PRR33: variants seen among roughly 807,000 people sequenced by gnomAD.
PRR33 encodes proline-rich protein 33.
In PRR33, 1 loss-of-function variant was observed where a neutral mutation model predicts 0.5. The ratio of observed to expected loss-of-function variants is 2.18; its 90% CI spans 0.77 to 10.34. The LOEUF (loss-of-function observed/expected upper bound fraction) is 10.34. PRR33 is among the 30% of genes most tolerant of loss of function. The pLI is 0.13. For synonymous variants in PRR33, 226 were observed against 110.0 expected, an observed-to-expected ratio of 2.06 and a Z score of -6.60; for missense variants, 552 against 251.8, an observed-to-expected ratio of 2.19 and a Z score of -8.07.
chr11:1,901,784 C>T, the PRR33 span, among the ~76,000 whole-genome samples: 174 of 152,220 alleles, frequency 1.1e-3, no homozygotes, highest in South Asian at 4.8e-3. Flanking sequence ...AGACTTGTTA[C>T]GTAAATTTAA....
At chr11:1,911,926 C>T in the PRR33 span, among the ~76,000 whole-genome samples, 2 of 146,734 alleles carry the variant, frequency 1.4e-5, no homozygotes, top group Non-Finnish European at 3.0e-5. Context: ...TTTGGGAGGC[C>T]GAGCTGGGAG....
At chr11:1,897,130 G>A in the PRR33 span, among the ~76,000 whole-genome samples, 1 of 152,210 alleles carries the variant, frequency 6.6e-6, no homozygotes, top group African/African-American at 2.4e-5. The surrounding 1 kb of genome is among the most constrained non-coding windows in gnomAD (Gnocchi z 4.0). Flanking sequence ...CGGCACCCTT[G>A]ATGAGCGGAA....
the PRR33 span, among the ~76,000 whole-genome samples, chr11:1,915,639 TGTG>T: frequency 3.5e-4 from 6 of 17,118 alleles, 1 homozygote; most frequent in East Asian, 2.8e-3. Context: ...GTGTGTGTGT[TGTG>T]GGGGGTGATG....
At chr11:1,889,052 C>G (rs1269202142) in exon 1 of PRR33, 1 of 576,660 alleles carries the variant, frequency 1.7e-6, no homozygotes, top group African/African-American at 1.9e-5. Flanking sequence ...CCTGGTGCAT[C>G]TTCATGCAGC....
upstream of PRR33, among the ~76,000 whole-genome samples, chr11:1,893,740 T>C (rs200268248): frequency 4.0e-5 from 6 of 148,346 alleles, no homozygotes; most frequent in East Asian, 1.2e-3. Flanking sequence ...GATGGGTAGA[T>C]GGATGGATGG....
chr11:1,888,901 T>C (rs914950776), exon 1 of PRR33: 28 of 441,752 alleles, frequency 6.3e-5, no homozygotes, highest in Middle Eastern at 1.1e-3. Context: ...CCCTTCTCTG[T>C]TCCCCTCACA....
chr11:1,900,169 A>C, the PRR33 span, among the ~76,000 whole-genome samples: 2 of 152,144 alleles, frequency 1.3e-5, no homozygotes, highest in African/African-American at 4.8e-5. Context: ...TTGGCTGTCC[A>C]TGTGTCCATG....
the PRR33 span, among the ~76,000 whole-genome samples, chr11:1,914,427 G>C: frequency 7.3e-5 from 11 of 150,188 alleles, no homozygotes; most frequent in Non-Finnish European, 1.5e-4. Flanking sequence ...ATGTTTCTCT[G>C]TGTGTGTGTC....
chr11:1,894,710 C>T (rs531762810), upstream of PRR33, among the ~76,000 whole-genome samples: 3 of 152,246 alleles, frequency 2.0e-5, no homozygotes, highest in African/African-American at 7.2e-5. Context: ...CTCATCTGTT[C>T]GTCTCTTGGT....
chr11:1,916,671 G>A, the PRR33 span, among the ~76,000 whole-genome samples: 9 of 152,094 alleles, frequency 5.9e-5, no homozygotes, highest in African/African-American at 1.9e-4. Flanking sequence ...TGCCCACCCC[G>A]CCCCCGACCA....
In PRR33 at chr11:1,889,093, C is replaced by T. The variant is rs955256652; in HGVS notation, c.*52G>A. 48 of 592,156 alleles carry T rather than the reference C, an allele frequency of 8.1e-5. No homozygotes were observed. In the African/African-American group the frequency reaches 8.6e-4, roughly 11 times the overall value. 36.7% of individuals were successfully genotyped at this position (592,156 alleles called of 1,614,324 possible). A position where few individuals can be genotyped will look rare whatever the true frequency, so the allele number is the denominator to read the frequency against. On this transcript the variant is annotated 3_prime_UTR_variant, in exon 1 of 1. Coordinates refer to ENST00000640310, the Ensembl canonical transcript of PRR33. ...TGGGCCCCCAGCTAGAGCCTCAGCCCCTTCTTCTGTCCATCCCATGGTCCT... is the reference window on the plus strand; with the variant it reads ...TGGGCCCCCAGCTAGAGCCTCAGCCTCTTCTTCTGTCCATCCCATGGTCCT...
At chr11:1,892,454 A>G (rs1274314495), upstream of PRR33, among the ~76,000 whole-genome samples, 2 of 152,226 alleles carry the variant, frequency 1.3e-5, no homozygotes, top group Non-Finnish European at 1.5e-5. Flanking sequence ...GTCAGAGCAC[A>G]CACAATGGGT....
In PRR33 at chr11:1,890,742, T is replaced by G. The variant is rs2133146781; in HGVS notation, c.-158A>C. The G allele has an allele frequency of 1.7e-6, 1 of 602,502 alleles. No individual in the cohort carries two copies. The highest frequency in any genetic ancestry group is 1.9e-5 in the African/African-American group (1 of 54,050). The allele number at this position is 602,502 out of a possible 1,614,324, so 37.3% of individuals were successfully genotyped here. On this transcript the variant is annotated 5_prime_UTR_variant, in exon 1 of 1. An upstream start codon of the reference 5' UTR is lost. Transcript: ENST00000640310. ...GAGCACCCAGAACCTGCCAGGGACA[T>G]GCTGAGCTCGACTGTGCCTTGGGGA...
the PRR33 span, among the ~76,000 whole-genome samples, chr11:1,913,857 G>A: frequency 3.3e-5 from 5 of 152,242 alleles, no homozygotes; most frequent in African/African-American, 7.2e-5. Context: ...CTGGGATCGC[G>A]GACTCCTTTT....
chr11:1,914,391 G>A, the PRR33 span, among the ~76,000 whole-genome samples: 1 of 147,662 alleles, frequency 6.8e-6, no homozygotes, highest in East Asian at 2.0e-4. Context: ...TGTGTGTGTT[G>A]TGTGTGGGGT....
the PRR33 span, chr11:1,907,795 T>G: frequency 6.6e-6 from 1 of 152,176 alleles, no homozygotes; most frequent in Admixed American, 6.5e-5. Context: ...GCATTTGATG[T>G]GGAGAGCAAA....
At chr11:1,911,664 G>A in the PRR33 span, among the ~76,000 whole-genome samples, 4 of 151,454 alleles carry the variant, frequency 2.6e-5, no homozygotes, top group East Asian at 4.0e-4. Context: ...CAAGTGATTC[G>A]CCTGCCTCGG....
chr11:1,906,294 G>A, the PRR33 span, among the ~76,000 whole-genome samples: 1 of 151,930 alleles, frequency 6.6e-6, no homozygotes, highest in Non-Finnish European at 1.5e-5. Context: ...AGTTTTATTC[G>A]TTACATCATC....
chr11:1,890,475 C>T (rs150753344), exon 1 of PRR33: 211 of 717,274 alleles, frequency 2.9e-4, no homozygotes, highest in South Asian at 1.7e-3. Context: ...CTTCTGCAAA[C>T]GCAAGTTGTC....
Sources: allele counts gnomAD v4.1 joint callset (sites outside exome capture counted in the v4.1 genomes callset), GRCh38; gene constraint gnomAD v4.1.1; non-coding constraint Gnocchi (gnomAD v3.1); transcripts MANE v1.5; gene names NCBI Gene and HGNC (gene_info 2026-07-23, HGNC 2026-07-21).